GALNT17: variants seen among roughly 807,000 people sequenced by gnomAD.
GALNT17 encodes the protein polypeptide N-acetylgalactosaminyltransferase 17, also known as UDP-GalNAc:polypeptide N-acetylgalactosaminyltransferase-like 3.
GALNT17 carries 29 observed loss-of-function variants against 63.7 expected under a neutral mutation model. The observed-to-expected ratio is 0.46, with a 90% CI of 0.34 to 0.62. GALNT17 has a LOEUF of 0.62. Among genes scored for constraint, GALNT17 ranks in the 20% least tolerant of loss-of-function variants. The pLI, the probability that GALNT17 is intolerant of heterozygous loss-of-function variation, is 0.01. For missense variants in GALNT17, 603 were observed against 799.6 expected (o/e 0.75, Z 2.97); for synonymous variants, 305 against 318.3 (o/e 0.96, Z 0.45).
chr7:71,486,670 A>G (rs1787915145), intron 5 of GALNT17, among the ~76,000 whole-genome samples: 1 of 151,694 alleles, frequency 6.6e-6, no homozygotes, highest in Non-Finnish European at 1.5e-5. Flanking sequence ...AGCCTGGGCA[A>G]CATAGTGAGA....
intron 5 of GALNT17, among the ~76,000 whole-genome samples, chr7:71,516,385 C>A (rs879820642): frequency 2.6e-5 from 4 of 152,038 alleles, no homozygotes; most frequent in African/African-American, 9.7e-5. Context: ...CACACTTTTT[C>A]GGAGGAGTGA....
At chr7:71,430,086 A>G (rs1015994896) in intron 5 of GALNT17, among the ~76,000 whole-genome samples, 2 of 152,072 alleles carry the variant, frequency 1.3e-5, no homozygotes, top group Admixed American at 1.3e-4. Flanking sequence ...GCCTCAAGCA[A>G]TCCTCTTCCC....
At chr7:71,300,917 A>G (rs1791184181) in intron 1 of GALNT17, 1 of 152,960 alleles carries the variant, frequency 6.5e-6, no homozygotes, top group South Asian at 2.0e-4. Flanking sequence ...ATTTTCGGTA[A>G]TGTATCATCA....
At chr7:71,377,085 CAAA>C (rs34111153) in intron 2 of GALNT17, among the ~76,000 whole-genome samples, 4 of 18,548 alleles carry the variant, frequency 2.2e-4, no homozygotes, top group African/African-American at 1.1e-3. Flanking sequence ...TATTCCATCT[CAAA>C]AAAAAAAAAA....
At chr7:71,217,651 C>T (rs1428970706) in intron 1 of GALNT17, among the ~76,000 whole-genome samples, 1 of 152,048 alleles carries the variant, frequency 6.6e-6, no homozygotes, top group Non-Finnish European at 1.5e-5. Context: ...TCAGGCTGGG[C>T]ATGGTGGCTC....
chr7:71,604,652 A>C (rs973542884), intron 6 of GALNT17, among the ~76,000 whole-genome samples: 14 of 152,168 alleles, frequency 9.2e-5, no homozygotes, highest in African/African-American at 3.1e-4. Flanking sequence ...TATCTCACTC[A>C]AGCTTTAATA....
At chr7:71,224,367 GATC>G (rs1473232508) in intron 1 of GALNT17, among the ~76,000 whole-genome samples, 1 of 152,084 alleles carries the variant, frequency 6.6e-6, no homozygotes, top group Non-Finnish European at 1.5e-5. Context: ...AAACTTTTTT[GATC>G]ATCAAGATTT....
chr7:71,212,410 C>A (rs1454339122), intron 1 of GALNT17, among the ~76,000 whole-genome samples: 1 of 152,196 alleles, frequency 6.6e-6, no homozygotes, highest in African/African-American at 2.4e-5. Context: ...AGGGGTGGGG[C>A]CCTCATGGAG....
chr7:71,586,803 TA>T (rs1789725564), intron 6 of GALNT17, among the ~76,000 whole-genome samples: 1 of 152,144 alleles, frequency 6.6e-6, no homozygotes, highest in Admixed American at 6.6e-5. Context: ...ATATAATTTG[TA>T]AAGATCAAGT....
At chr7:71,230,742 C>G (rs1789772874) in intron 1 of GALNT17, among the ~76,000 whole-genome samples, 1 of 152,028 alleles carries the variant, frequency 6.6e-6, no homozygotes, top group South Asian at 2.1e-4. Flanking sequence ...GCATCCAGAC[C>G]CATCCCTGGG....
intron 5 of GALNT17, among the ~76,000 whole-genome samples, chr7:71,507,893 G>A (rs918899514): frequency 3.9e-5 from 6 of 152,150 alleles, no homozygotes; most frequent in African/African-American, 1.4e-4. Context: ...CAGCTCACAG[G>A]CTTTGTTAAG....
At chr7:71,532,931 T>G (rs1269526222) in intron 5 of GALNT17, among the ~76,000 whole-genome samples, 1 of 152,222 alleles carries the variant, frequency 6.6e-6, no homozygotes. Context: ...TTCTTCATTT[T>G]TGGAGATGGA....
intron 2 of GALNT17, among the ~76,000 whole-genome samples, chr7:71,352,277 A>G (rs1214600320): frequency 6.6e-6 from 1 of 152,192 alleles, no homozygotes; most frequent in East Asian, 1.9e-4. Flanking sequence ...TGGCCTCCCC[A>G]GCCATGTGGA....
intron 1 of GALNT17, among the ~76,000 whole-genome samples, chr7:71,263,116 T>C (rs560329674): frequency 2.0e-5 from 3 of 152,150 alleles, no homozygotes; most frequent in South Asian, 4.1e-4. Flanking sequence ...AAGCAGTCCT[T>C]TGGGAGGCTG....
At chr7:71,707,380 TAAAC>T (rs1791736318) in intron 9 of GALNT17, among the ~76,000 whole-genome samples, 2 of 152,112 alleles carry the variant, frequency 1.3e-5, no homozygotes, top group Non-Finnish European at 2.9e-5. Context: ...ATATGATTCT[TAAAC>T]AATATAATTT....
chr7:71,542,264 G>A (rs2116808928), intron 5 of GALNT17, among the ~76,000 whole-genome samples: 1 of 152,154 alleles, frequency 6.6e-6, no homozygotes, highest in Non-Finnish European at 1.5e-5. Flanking sequence ...ACACTTCTAG[G>A]AAGGTGGCCC....
chr7:71,292,943 C>T (rs4719104), intron 1 of GALNT17, among the ~76,000 whole-genome samples: 52,258 of 151,834 alleles, frequency 0.34, 9,270 homozygotes, highest in East Asian at 0.49. Flanking sequence ...TGAGATCATG[C>T]GGTACTTTTA....
At chr7:71,403,270 G>A (rs1476564906) in intron 3 of GALNT17, among the ~76,000 whole-genome samples, 3 of 152,160 alleles carry the variant, frequency 2.0e-5, no homozygotes, top group East Asian at 1.9e-4. Flanking sequence ...TGTAGCCTTC[G>A]CTCAGTTTCT....
At chr7:71,450,911 GC>G (rs1284985712) in intron 5 of GALNT17, among the ~76,000 whole-genome samples, 1 of 133,792 alleles carries the variant, frequency 7.5e-6, no homozygotes. Context: ...AGATTGCATG[GC>G]GTTTTTCTTT....
Sources: gnomAD v4.1 joint callset for allele counts (sites outside exome capture counted in the v4.1 genomes callset) on GRCh38, gnomAD v4.1.1 for gene constraint, MANE v1.5 for transcripts, NCBI Gene and HGNC (gene_info 2026-07-23, HGNC 2026-07-21) for gene names.